Variants in DLG1 observed in about 807,000 individuals in gnomAD.
The protein encoded by DLG1 is disks large homolog 1.
DLG1 carries 42 observed loss-of-function variants against 123.4 expected under a neutral mutation model. The observed-to-expected ratio is 0.34, with a 90% CI of 0.27 to 0.44. DLG1 has a LOEUF of 0.44. Among genes scored for constraint, DLG1 ranks in the 20% least tolerant of loss-of-function variants. The pLI is 1.00. For synonymous variants in DLG1, 317 were observed against 356.2 expected, an observed-to-expected ratio of 0.89 and a Z score of 1.24; for missense variants, 942 against 1,082.6, an observed-to-expected ratio of 0.87 and a Z score of 1.82.
chr3:197,074,507 AAG>A (rs1317149151), intron 18 of DLG1, among the ~76,000 whole-genome samples: 35 of 152,190 alleles, frequency 2.3e-4, no homozygotes, highest in African/African-American at 8.2e-4. Context: ...CTTAACATAT[AAG>A]AAAAATCTGT....
Position 197,065,419 on chromosome 3 carries a change from C to G in DLG1, c.2230G>C (p.Val744Leu). Residue 744 changes from valine (V) to leucine (L), a missense_variant, in exon 22 of 25, where the codon GTA becomes CTA. By Grantham distance (32) the Val-to-Leu change is conservative (BLOSUM62 1). Transcript: ENST00000667157. ...ACAAAATGATAATCTCTTCCATCTA[C>G]CTCATAATCTCGTTTTGGTCTAGTT... ...HTTRPKRDYE[V>L]DGRDYHFVTS... is the part of the protein sequence containing the mutation. 2 of 1,610,968 alleles carry G rather than the reference C, an allele frequency of 1.2e-6. No individual in the cohort carries two copies. The highest frequency in any genetic ancestry group is 1.7e-6 in the Non-Finnish European group (2 of 1,179,032).
rs145054439 is a variant in DLG1 at position 197,170,244 on chromosome 3, G to A, written c.484-20448C>T. ...CCTAAGCGTTCATGTCTTTATAACA[G>A]AACAATTTATATTCCTTTGAGTATA... is the stretch of plus-strand genomic sequence containing the variant. On this transcript the variant is annotated intron_variant, in intron 5 of 24. Transcript: ENST00000667157. Among the ~76,000 whole-genome samples the A allele has an allele frequency of 3.3e-5, 5 of 152,248 alleles. No individual in the cohort carries two copies. The East Asian group carries it at 9.6e-4, about 29-fold the overall frequency.
At chr3:197,109,265 G>C (rs1768396501) in intron 13 of DLG1, among the ~76,000 whole-genome samples, 1 of 152,228 alleles carries the variant, frequency 6.6e-6, no homozygotes. Context: ...AGCTACTCGG[G>C]AGGCTGAGGC....
In DLG1 at chr3:197,051,717, T is replaced by A. The variant is rs538693080; in HGVS notation, c.2484-49A>T. Reference sequence around the variant, plus strand: ...GATAATTACCAAATTATAATACTTTTAAAAAAAAGATGGCAAAGGAGAGAT... The same window carrying A: ...GATAATTACCAAATTATAATACTTTAAAAAAAAAGATGGCAAAGGAGAGAT... On this transcript the variant is annotated intron_variant, in intron 23 of 24. Transcript: ENST00000667157. 305 of 1,423,282 alleles carry A rather than the reference T, an allele frequency of 2.1e-4. 4 individuals are homozygous for A. In the Middle Eastern group the frequency reaches 3.2e-3, roughly 15 times the overall value. The allele number at this position is 1,423,282 out of a possible 1,614,324, so 88.2% of individuals were successfully genotyped here. A position where few individuals can be genotyped will look rare whatever the true frequency, so the allele number is the denominator to read the frequency against.
intron 5 of DLG1, among the ~76,000 whole-genome samples, chr3:197,153,719 A>G (rs967804868): frequency 6.6e-6 from 1 of 152,186 alleles, no homozygotes; most frequent in Non-Finnish European, 1.5e-5. Flanking sequence ...GAAGACTAGG[A>G]CATTAAAAAC....
chr3:197,125,315 C>T (rs1037940623), intron 11 of DLG1, among the ~76,000 whole-genome samples: 1 of 152,058 alleles, frequency 6.6e-6, no homozygotes, highest in African/African-American at 2.4e-5. Context: ...ACGTAAAAAG[C>T]AGAATTTTGT....
chr3:197,203,455 A>G (rs1726891743), intron 4 of DLG1, among the ~76,000 whole-genome samples: 1 of 151,722 alleles, frequency 6.6e-6, no homozygotes, highest in Non-Finnish European at 1.5e-5. Flanking sequence ...AATAGCAAAT[A>G]TTGTATCTCA....
chr3:197,201,471 T>C (rs1221949027), intron 4 of DLG1, among the ~76,000 whole-genome samples: 1 of 152,194 alleles, frequency 6.6e-6, no homozygotes, highest in African/African-American at 2.4e-5. Flanking sequence ...AGTTTCAGGA[T>C]ACGAAATCAA....
intron 5 of DLG1, among the ~76,000 whole-genome samples, chr3:197,175,379 A>C (rs1356073229): frequency 2.0e-5 from 3 of 152,346 alleles, no homozygotes; most frequent in East Asian, 3.9e-4. Flanking sequence ...ATACTAAGTA[A>C]AATTTTCATG....
intron 5 of DLG1, among the ~76,000 whole-genome samples, chr3:197,193,985 A>C (rs1721068447): frequency 6.6e-6 from 1 of 151,842 alleles, no homozygotes; most frequent in African/African-American, 2.4e-5. Flanking sequence ...ATGCCTGGTT[A>C]ATTTTTTTGT....
intron 4 of DLG1, among the ~76,000 whole-genome samples, chr3:197,204,261 T>C (rs1358787105): frequency 1.3e-5 from 2 of 152,228 alleles, no homozygotes; most frequent in Non-Finnish European, 2.9e-5. Flanking sequence ...TTTTTGTTCT[T>C]GACAACGGTT....
chr3:197,215,362 C>T (rs1733568636), intron 4 of DLG1, among the ~76,000 whole-genome samples: 1 of 152,022 alleles, frequency 6.6e-6, no homozygotes, highest in East Asian at 1.9e-4. Context: ...AAATGTGACT[C>T]CTGTATCATA....
At chr3:197,205,211 C>A (rs1012747335) in intron 4 of DLG1, among the ~76,000 whole-genome samples, 1 of 151,890 alleles carries the variant, frequency 6.6e-6, no homozygotes, top group African/African-American at 2.4e-5. Flanking sequence ...AAATACAATA[C>A]GAACAAAATT....
intron 14 of DLG1, among the ~76,000 whole-genome samples, chr3:197,091,428 T>C (rs898641090): frequency 1.3e-4 from 20 of 152,004 alleles, no homozygotes; most frequent in African/African-American, 4.1e-4. Flanking sequence ...GATGCTTTGA[T>C]TATTGACTTT....
chr3:197,284,084 C>T (rs1031137413), intron 3 of DLG1, among the ~76,000 whole-genome samples: 20 of 152,068 alleles, frequency 1.3e-4, no homozygotes, highest in African/African-American at 3.9e-4. Flanking sequence ...AGGTCTCGAA[C>T]TCCTGACCTC....
At chr3:197,185,415 G>A (rs1435218388) in intron 5 of DLG1, among the ~76,000 whole-genome samples, 1 of 152,220 alleles carries the variant, frequency 6.6e-6, no homozygotes, top group Non-Finnish European at 1.5e-5. Flanking sequence ...TTGAGGGCAA[G>A]ATATTTTGTG....
intron 4 of DLG1, among the ~76,000 whole-genome samples, chr3:197,194,826 T>C (rs1182455228): frequency 6.6e-6 from 1 of 152,122 alleles, no homozygotes; most frequent in African/African-American, 2.4e-5. Flanking sequence ...AGACTGAATA[T>C]TGATTGCTCA....
intron 4 of DLG1, among the ~76,000 whole-genome samples, chr3:197,276,087 T>TTTCA (rs1766281612): frequency 6.6e-6 from 1 of 152,232 alleles, no homozygotes; most frequent in African/African-American, 2.4e-5. Flanking sequence ...ATGGTTTTCT[T>TTTCA]TTCACACACA....
chr3:197,123,505 AATC>A (rs1230105461), intron 11 of DLG1, among the ~76,000 whole-genome samples: 1 of 152,242 alleles, frequency 6.6e-6, no homozygotes, highest in Non-Finnish European at 1.5e-5. Context: ...GAAAATAATT[AATC>A]ATCAGGAACA....
Sources: gnomAD v4.1 joint callset for allele counts (sites outside exome capture counted in the v4.1 genomes callset) on GRCh38, gnomAD v4.1.1 for gene constraint, MANE v1.5 for transcripts, NCBI Gene and HGNC (gene_info 2026-07-23, HGNC 2026-07-21) for gene names.